The following CREBBP variants were observed in gnomAD, a reference collection of about 807,000 sequenced individuals.
The protein encoded by CREBBP is CREB-binding protein.
CREBBP carries 19 observed loss-of-function variants against 265.0 expected under a neutral mutation model. The observed-to-expected ratio is 0.07, with a 90% CI of 0.05 to 0.11. The LOEUF is 0.11. Ranked by LOEUF, CREBBP falls within the 10% of genes least tolerant of loss-of-function variation. CREBBP has a pLI of 1.00. For missense variants in CREBBP, 2,525 were observed against 3,219.0 expected, an observed-to-expected ratio of 0.78 and a Z score of 5.22; for synonymous variants, 1,457 against 1,223.7, an observed-to-expected ratio of 1.19 and a Z score of -3.98.
At chr16:3,838,138 G>C (rs1445619725) in intron 2 of CREBBP, among the ~76,000 whole-genome samples, 1 of 152,072 alleles carries the variant, frequency 6.6e-6, no homozygotes, top group Non-Finnish European at 1.5e-5. Flanking sequence ...CTGGTCAGGT[G>C]TACTATTTTA....
At position 3,833,422 on chromosome 16, in the gene CREBBP, CA is replaced by C. The variant is rs545952279; in HGVS notation, c.798+16874del. Among the ~76,000 whole-genome samples the C allele has an allele frequency of 2.3e-3, 354 of 151,966 alleles. 2 individuals are homozygous for C. The highest frequency in any genetic ancestry group is 4.8e-3 in the South Asian group (23 of 4,814). ...GTGAGAGTCCATCTCAAAAGAAACC[CA>C]AAACAAACAAACAAAACATTGTACT... On this transcript the variant is annotated intron_variant, in intron 2 of 30. Transcript: ENST00000262367.
intron 26 of CREBBP, 126 bp from the exon 27 acceptor site, chr16:3,736,941 C>A (rs2052076448): frequency 8.4e-7 from 1 of 1,192,178 alleles, no homozygotes; most frequent in African/African-American, 1.5e-5. Flanking sequence ...AGAATGAATG[C>A]CCACAAAGCT....
intron 13 of CREBBP, among the ~76,000 whole-genome samples, chr16:3,771,801 A>AC (rs150381668): frequency 0.051 from 7,385 of 144,426 alleles, 449 homozygotes; most frequent in East Asian, 0.16. Context: ...TCAATTTAAA[A>AC]CTTTTTTTTT....
chr16:3,852,940 T>C (rs1029881803), intron 1 of CREBBP, among the ~76,000 whole-genome samples: 8 of 151,742 alleles, frequency 5.3e-5, no homozygotes, highest in African/African-American at 1.7e-4. Flanking sequence ...TAGAAATATG[T>C]TCATCTTAGT....
intron 2 of CREBBP, among the ~76,000 whole-genome samples, chr16:3,845,357 G>A (rs1482442353): frequency 3.9e-5 from 6 of 152,118 alleles, no homozygotes; most frequent in Admixed American, 3.9e-4. Flanking sequence ...TAGGTTTCTG[G>A]CACAGGAACA....
At position 3,727,536 on chromosome 16, in the gene CREBBP, T is replaced by C. The variant is rs1342182148; in HGVS notation, c.*182A>G. 4 of 405,148 alleles carry C rather than the reference T, an allele frequency of 9.9e-6. No homozygotes were observed. Among genetic ancestry groups the C allele is most frequent in the African/African-American group, 2.9e-5 (1 of 34,958 alleles). 25.1% of individuals were successfully genotyped at this position (405,148 alleles called of 1,614,324 possible). On this transcript the variant is annotated 3_prime_UTR_variant, in exon 31 of 31. Transcript: ENST00000262367. ...AAAAACCAAAGAGAGAGACCAGATATTTAAATCAACTGGTTTTTAACAAAA... is the reference window on the plus strand; with the variant it reads ...AAAAACCAAAGAGAGAGACCAGATACTTAAATCAACTGGTTTTTAACAAAA...
At chr16:3,770,543 A>C (rs1388374741) in intron 14 of CREBBP, 27 bp downstream of exon 14, 2 of 1,608,072 alleles carry the variant, frequency 1.2e-6, no homozygotes, top group Non-Finnish European at 1.7e-6. Flanking sequence ...GTCTTGGCCC[A>C]AAAACAGCAG....
At chr16:3,733,100 C>T (rs923383590) in intron 28 of CREBBP, among the ~76,000 whole-genome samples, 1 of 152,040 alleles carries the variant, frequency 6.6e-6, no homozygotes, top group African/African-American at 2.4e-5. Flanking sequence ...GGGTGGCTCA[C>T]ACCTGTAATC....
chr16:3,837,972 T>A (rs2054489479), intron 2 of CREBBP, among the ~76,000 whole-genome samples: 1 of 152,068 alleles, frequency 6.6e-6, no homozygotes, highest in African/African-American at 2.4e-5. Context: ...TCATAGTAAA[T>A]GCCTTATACA....
In CREBBP at chr16:3,810,745, T is replaced by G. The variant is rs577305576; in HGVS notation, c.833A>C (p.Gln278Pro). Residue 278 changes from glutamine (Q) to proline (P), a missense_variant, in exon 3 of 31, where the codon CAG becomes CCG. Gln to Pro is a moderately conservative substitution (Grantham distance 76). Transcript: ENST00000262367. ...CTGCCCTCCAGCTTGACTAAAGGGC[T>G]GTCCAAATGGACTTGTGTTCCCAGT... ...GITGNTSPFG[Q>P]PFSQAGGQPM... 6.6e-5 allele frequency: 107 copies of G among 1,613,938 alleles called. No individual in the cohort carries two copies. The East Asian group carries it at 2.3e-3, about 35-fold the overall frequency.
At chr16:3,774,021 C>A (rs943930586) in intron 12 of CREBBP, 91 bp from the exon 13 acceptor site, 2 of 1,411,736 alleles carry the variant, frequency 1.4e-6, no homozygotes, top group Non-Finnish European at 2.0e-6. Context: ...GGCTTCACAA[C>A]CCCAGAGGAT....
Position 3,767,842 on chromosome 16 carries a change from G to A in CREBBP, c.3128C>T (p.Ser1043Leu), listed in dbSNP as rs61731376. The A allele has an allele frequency of 1.8e-3, 2,967 of 1,614,122 alleles. 39 individuals are homozygous for A. The African/African-American group carries it at 0.034, about 18-fold the overall frequency. ...KEETDIAEQK[S>L]EPMEVDEKKP... Reference sequence around the variant, plus strand: ...CTTTTCATCCACTTCCATTGGTTCTGATTTCTGCTCTGCTATGTCTGTTTC... The same window carrying A: ...CTTTTCATCCACTTCCATTGGTTCTAATTTCTGCTCTGCTATGTCTGTTTC... The change falls in exon 16 of 31, where the codon TCA (serine) becomes TTA (leucine). Residue 1043 changes from serine to leucine, a missense_variant. By Grantham distance (145) the Ser-to-Leu change is moderately radical. Transcript: ENST00000262367.
intron 23 of CREBBP, chr16:3,741,342 G>C (rs1462547525): frequency 3.3e-5 from 5 of 152,250 alleles, no homozygotes; most frequent in African/African-American, 1.2e-4. Context: ...TTCTTTGCTG[G>C]CTTTTAAATA....
intron 3 of CREBBP, among the ~76,000 whole-genome samples, chr16:3,799,161 TG>T (rs1254169629): frequency 6.6e-6 from 1 of 151,980 alleles, no homozygotes; most frequent in African/African-American, 2.4e-5. Context: ...TGGCTGGAGA[TG>T]GGGGTTCAGG....
chr16:3,792,246 T>C, intron 4 of CREBBP, 152 bp from the exon 5 acceptor site: 2 of 747,630 alleles, frequency 2.7e-6, no homozygotes. Flanking sequence ...AAACAGGCTG[T>C]TTTCCAAAAA....
intron 2 of CREBBP, among the ~76,000 whole-genome samples, chr16:3,819,444 T>C (rs2054101491): frequency 6.6e-6 from 1 of 152,190 alleles, no homozygotes; most frequent in Non-Finnish European, 1.5e-5. Flanking sequence ...ACACTACATA[T>C]GATTTCTTTC....
rs1003338389 is a variant in CREBBP at position 3,725,354 on chromosome 16, G to A, written c.*2364C>T. Reference sequence around the variant, plus strand: ...AACGTTTTGAATTCCAGGATAACCTGAAACAGAGGCCCCTCCACTGCCCAC... The same window carrying A: ...AACGTTTTGAATTCCAGGATAACCTAAAACAGAGGCCCCTCCACTGCCCAC... On this transcript the variant is annotated 3_prime_UTR_variant, in exon 31 of 31. Transcript: ENST00000262367. 1 of 233,174 alleles carries A rather than the reference G, an allele frequency of 4.3e-6. No homozygotes were observed. Among genetic ancestry groups the A allele is most frequent in the African/African-American group, 2.2e-5 (1 of 45,346 alleles). The allele number at this position is 233,174 out of a possible 1,614,324, so 14.4% of individuals were successfully genotyped here. A position where few individuals can be genotyped will look rare whatever the true frequency, so the allele number is the denominator to read the frequency against.
intron 2 of CREBBP, among the ~76,000 whole-genome samples, chr16:3,838,003 C>T (rs1386805335): frequency 6.6e-6 from 1 of 152,008 alleles, no homozygotes; most frequent in African/African-American, 2.4e-5. Context: ...ACACACACAC[C>T]CGCCCACCCC....
chr16:3,861,596 G>A (rs1014638079), intron 1 of CREBBP, among the ~76,000 whole-genome samples: 35 of 145,448 alleles, frequency 2.4e-4, no homozygotes, highest in African/African-American at 7.9e-4. Flanking sequence ...AGGTTACTTT[G>A]CTTTGAAAGT....
Sources: gnomAD v4.1 joint callset for allele counts (sites outside exome capture counted in the v4.1 genomes callset) on GRCh38, gnomAD v4.1.1 for gene constraint, MANE v1.5 for transcripts, NCBI Gene and HGNC (gene_info 2026-07-23, HGNC 2026-07-21) for gene names.